The following NLRP5 variants were observed in gnomAD, a reference collection of about 807,000 sequenced individuals.
NLRP5 encodes NACHT, LRR and PYD domains-containing protein 5.
NLRP5 carries 93 observed loss-of-function variants against 113.1 expected under a neutral mutation model. The ratio of observed to expected loss-of-function variants is 0.82; its 90% confidence interval spans 0.70 to 0.98. NLRP5 has a LOEUF of 0.98. NLRP5 is among the 50% of genes least tolerant of loss of function. The pLI, the probability that NLRP5 is intolerant of heterozygous loss-of-function variation, is 0.00. For synonymous variants in NLRP5, 751 were observed against 600.7 expected (o/e 1.25, Z -3.66); for missense variants, 1,808 against 1,514.3 (o/e 1.19, Z -3.22).
the NLRP5 span, among the ~76,000 whole-genome samples, chr19:55,991,269 C>G: frequency 2.0e-5 from 3 of 152,076 alleles, no homozygotes; most frequent in Non-Finnish European, 2.9e-5. Flanking sequence ...CAAAATTTAG[C>G]CCCCGGAAAT....
the NLRP5 span, among the ~76,000 whole-genome samples, chr19:55,993,275 A>G: frequency 6.6e-6 from 1 of 151,212 alleles, no homozygotes; most frequent in African/African-American, 2.4e-5. Flanking sequence ...AGAGTGGACA[A>G]TAAGTTATAG....
At chr19:56,010,385 AAGG>A (rs1982134408) in intron 3 of NLRP5, among the ~76,000 whole-genome samples, 1 of 152,196 alleles carries the variant, frequency 6.6e-6, no homozygotes, top group Admixed American at 6.5e-5. Flanking sequence ...CTCTACCCTC[AAGG>A]AGCTTACATC....
At chr19:56,006,576 AC>A (rs1372403966) in intron 2 of NLRP5, among the ~76,000 whole-genome samples, 1 of 151,778 alleles carries the variant, frequency 6.6e-6, no homozygotes, top group Non-Finnish European at 1.5e-5. Flanking sequence ...TACTAAAAAT[AC>A]AAAAATTAGC....
intron 11 of NLRP5, among the ~76,000 whole-genome samples, chr19:56,049,108 A>C (rs1164991674): frequency 3.4e-5 from 5 of 148,864 alleles, no homozygotes. Context: ...CAGCCTCCCA[A>C]GTAGCTGGGA....
Position 56,027,290 on chromosome 19 carries a change from C to T in NLRP5, c.1057C>T (p.Arg353Ter), listed in dbSNP as rs754143651. The change falls in exon 7 of 15, where the codon CGA becomes TGA. Residue 353 changes from arginine (R) to a stop codon, truncating the protein, a stop_gained. Coordinates refer to ENST00000390649, the MANE Select transcript of NLRP5 (RefSeq NM_153447.4). LOFTEE classifies it high-confidence loss of function. Reference sequence around the variant, plus strand: ...GGCTCCGGTGACGGAGATCATGTCCCGACCAGAAAGGCTGTTGTTCATCAT... The same window carrying T: ...GGCTCCGGTGACGGAGATCATGTCCTGACCAGAAAGGCTGTTGTTCATCAT... 1 of 1,611,900 alleles carries T rather than the reference C, an allele frequency of 6.2e-7. No individual in the cohort carries two copies. The highest frequency in any genetic ancestry group is 8.5e-7 in the Non-Finnish European group (1 of 1,179,864).
intron 11 of NLRP5, among the ~76,000 whole-genome samples, chr19:56,047,087 T>C (rs1464105616): frequency 1.3e-5 from 2 of 152,186 alleles, no homozygotes; most frequent in Non-Finnish European, 2.9e-5. Flanking sequence ...ATGTCAGTTG[T>C]AGTATCTCCT....
At chr19:56,035,021 G>T (rs867427109) in intron 9 of NLRP5, among the ~76,000 whole-genome samples, 1 of 152,174 alleles carries the variant, frequency 6.6e-6, no homozygotes, top group East Asian at 1.9e-4. Context: ...TCACTGCAAC[G>T]TCCACCTCCC....
At position 56,053,717 on chromosome 19, in the gene NLRP5, C is replaced by T. The variant is rs1599912118; in HGVS notation, c.3208C>T (p.Leu1070=). 2 of 1,613,828 alleles carry T rather than the reference C, an allele frequency of 1.2e-6. No individual in the cohort carries two copies. The highest frequency in any genetic ancestry group is 1.1e-5 in the South Asian group (1 of 91,070). Residue 1070 remains leucine, a synonymous_variant, in exon 13 of 15, where the codon CTG becomes TTG. Transcript: ENST00000390649. Reference sequence around the variant, plus strand: ...CTCGAGGAGCAGACACCTGAAGAGCCTGGATCTCACGGACAATGCCCTGGG... The same window carrying T: ...CTCGAGGAGCAGACACCTGAAGAGCTTGGATCTCACGGACAATGCCCTGGG...
rs1984356961 is a variant in NLRP5 at position 56,061,587 on chromosome 19, T to C, written c.*59T>C. ...GATGGAGGAACTTTAAACGCTGTTT[T>C]CTCAGAGCAAGCTATGCACCTGGGA... On this transcript the variant is annotated 3_prime_UTR_variant, in exon 15 of 15. Transcript: ENST00000390649. 6.3e-7 allele frequency: 1 copy of C among 1,594,390 alleles called. No homozygotes were observed. The highest frequency in any genetic ancestry group is 8.6e-7 in the Non-Finnish European group (1 of 1,164,416).
At chr19:56,033,186 G>C (rs561739135) in intron 8 of NLRP5, among the ~76,000 whole-genome samples, 1 of 152,260 alleles carries the variant, frequency 6.6e-6, no homozygotes, top group Admixed American at 6.5e-5. Context: ...GGGAGGTGGA[G>C]GTTGCAGTGA....
intron 1 of NLRP5, among the ~76,000 whole-genome samples, chr19:56,001,924 A>C (rs1272114025): frequency 1.3e-5 from 2 of 152,304 alleles, no homozygotes; most frequent in East Asian, 1.9e-4. Context: ...GATTTGCTCA[A>C]ACTGGCCAAC....
chr19:55,997,889 T>C (rs558929759), upstream of NLRP5, among the ~76,000 whole-genome samples: 3 of 152,112 alleles, frequency 2.0e-5, no homozygotes, highest in Admixed American at 2.0e-4. Context: ...TTGAAGGATA[T>C]CTAGTCCTGG....
At chr19:56,022,145 T>C (rs1224169671) in intron 6 of NLRP5, among the ~76,000 whole-genome samples, 1 of 152,202 alleles carries the variant, frequency 6.6e-6, no homozygotes, top group Non-Finnish European at 1.5e-5. Flanking sequence ...ATAATTACTC[T>C]GGTCTAGGCA....
chr19:56,005,153 A>T (rs1981817135), intron 2 of NLRP5, among the ~76,000 whole-genome samples: 1 of 132,826 alleles, frequency 7.5e-6, no homozygotes, highest in African/African-American at 2.5e-5. Flanking sequence ...ATATATACAC[A>T]CACATATACA....
At chr19:56,040,088 C>T (rs1335651305) in intron 10 of NLRP5, among the ~76,000 whole-genome samples, 1 of 152,056 alleles carries the variant, frequency 6.6e-6, no homozygotes, top group Non-Finnish European at 1.5e-5. Context: ...GTAGCTGGGA[C>T]TACATGCATG....
intron 2 of NLRP5, 106 bp downstream of exon 2, chr19:56,004,201 T>G: frequency 2.5e-6 from 3 of 1,215,270 alleles, no homozygotes; most frequent in Non-Finnish European, 3.4e-6. Flanking sequence ...ACCTCTGCAG[T>G]GTGAGTCTGA....
intron 1 of NLRP5, chr19:55,999,814 G>A (rs758586568): frequency 2.5e-6 from 4 of 1,576,836 alleles, no homozygotes; most frequent in Non-Finnish European, 3.5e-6. Flanking sequence ...AGTTACCTAT[G>A]AGGAAACCGA....
upstream of NLRP5, among the ~76,000 whole-genome samples, chr19:55,995,364 CTTAAATA>C (rs1207395915): frequency 4.6e-5 from 7 of 152,012 alleles, no homozygotes; most frequent in South Asian, 4.1e-4. Context: ...ATTAAAAAAA[CTTAAATA>C]TTAAAATATT....
intron 14 of NLRP5, among the ~76,000 whole-genome samples, chr19:56,060,865 A>C (rs904329214): frequency 6.6e-6 from 1 of 152,280 alleles, no homozygotes; most frequent in African/African-American, 2.4e-5. Context: ...TTGCAGGTCA[A>C]CTCACAAGGA....
Sources: gnomAD v4.1 joint callset for allele counts (sites outside exome capture counted in the v4.1 genomes callset) on GRCh38, gnomAD v4.1.1 for gene constraint, MANE v1.5 for transcripts, NCBI Gene and HGNC (gene_info 2026-07-23, HGNC 2026-07-21) for gene names.